MDN1: variants seen among roughly 807,000 people sequenced by gnomAD.
MDN1 encodes midasin.
A neutral mutation model predicts 669.2 loss-of-function variants in MDN1; 266 were observed. The ratio of observed to expected loss-of-function variants is 0.40; its 90% confidence interval spans 0.36 to 0.44. MDN1 has a LOEUF of 0.44. Among genes scored for constraint, MDN1 ranks in the 20% least tolerant of loss-of-function variants. The pLI, the probability that MDN1 is intolerant of heterozygous loss-of-function variation, is 1.00. For synonymous variants in MDN1, 2,385 were observed against 2,457.1 expected, an observed-to-expected ratio of 0.97 and a Z score of 0.87; for missense variants, 5,940 against 6,754.0, an observed-to-expected ratio of 0.88 and a Z score of 4.22.
intron 11 of MDN1, 74 bp downstream of exon 11, chr6:89,780,138 A>C: frequency 1.2e-6 from 1 of 844,922 alleles, no homozygotes; most frequent in Non-Finnish European, 1.9e-6. Flanking sequence ...TGGCAATCAA[A>C]AGACAGAAAA....
chr6:89,797,754 TC>T, intron 2 of MDN1: 1 of 381,490 alleles, frequency 2.6e-6, no homozygotes, highest in Non-Finnish European at 5.3e-6. Context: ...GAAGGCAGCA[TC>T]AATACCAGGT....
At chr6:89,679,624 G>A (rs1159631346) in intron 74 of MDN1, among the ~76,000 whole-genome samples, 2 of 152,188 alleles carry the variant, frequency 1.3e-5, no homozygotes, top group Admixed American at 1.3e-4. Context: ...GACCACGGGA[G>A]GACACAGTGA....
At chr6:89,706,796 T>G (rs1813544621) in intron 52 of MDN1, among the ~76,000 whole-genome samples, 1 of 152,152 alleles carries the variant, frequency 6.6e-6, no homozygotes, top group South Asian at 2.1e-4. Context: ...ACTAAGTACA[T>G]ATGTTTAGAT....
intron 5 of MDN1, among the ~76,000 whole-genome samples, chr6:89,792,005 C>G (rs1819295837): frequency 6.6e-6 from 1 of 150,596 alleles, no homozygotes; most frequent in Non-Finnish European, 1.5e-5. Flanking sequence ...GTAGCTGGGA[C>G]TACAGGTGCC....
At chr6:89,701,744 C>A in intron 54 of MDN1, 66 bp from the exon 55 acceptor site, 2 of 1,554,548 alleles carry the variant, frequency 1.3e-6, no homozygotes, top group South Asian at 1.2e-5. Flanking sequence ...GTAAGAGAAG[C>A]CATTAATATT....
intron 83 of MDN1, 57 bp from the exon 84 acceptor site, chr6:89,668,208 G>A (rs1213663491): frequency 6.3e-7 from 1 of 1,596,088 alleles, no homozygotes; most frequent in Middle Eastern, 1.7e-4. Flanking sequence ...TTTAAAAGGA[G>A]ATTTCATTCT....
At chr6:89,782,306 G>C (rs150451951) in intron 9 of MDN1, among the ~76,000 whole-genome samples, 71 of 152,294 alleles carry the variant, frequency 4.7e-4, no homozygotes, top group Middle Eastern at 3.4e-3. Flanking sequence ...TGAAAAGCAT[G>C]TAAAAGGAGC....
intron 20 of MDN1, 35 bp downstream of exon 20, chr6:89,756,241 GA>G: frequency 9.6e-7 from 1 of 1,042,694 alleles, no homozygotes. Flanking sequence ...CATGTTCAGA[GA>G]AAGAGCTTAT....
chr6:89,687,523 TGAGTG>T, intron 67 of MDN1, 85 bp from the exon 68 acceptor site: 1 of 1,205,234 alleles, frequency 8.3e-7, no homozygotes, highest in Non-Finnish European at 1.2e-6. Context: ...GAACTTTGCT[TGAGTG>T]AAGACTACTG....
In MDN1 at chr6:89,702,037, C is replaced by T; in HGVS notation, c.8173G>A (p.Asp2725Asn). Residue 2725 changes from aspartate to asparagine, a missense_variant, in exon 54 of 102, where the codon GAC becomes AAC. Asp to Asn is a conservative substitution (Grantham distance 23). Transcript: ENST00000369393. ...GTGTCGGCCACAGTCCAGAACCGGT[C>T]CCGCCACCGCAGAGAACCTAAGATC... is the stretch of plus-strand genomic sequence containing the variant. ...NEILGSLRWR[D>N]RFWTVADTVK... 1 of 1,608,324 alleles carries T rather than the reference C, an allele frequency of 6.2e-7. No individual in the cohort carries two copies.
At position 89,684,915 on chromosome 6, in the gene MDN1, T is replaced by C. The variant is rs965067073; in HGVS notation, c.11790A>G (p.Lys3930=). Residue 3930 remains lysine, a synonymous_variant, in exon 71 of 102, where the codon AAA becomes AAG. Transcript: ENST00000369393. The part of the protein sequence containing the change: ...YKQFFDRVQA[K]IVELRSPLEK... ...CTAGGGGGGAACGAAGTTCCACAAT[T>C]TTGGCCTGGACCCGGTCAAAGAATT... The C allele has an allele frequency of 3.7e-6, 6 of 1,613,092 alleles. No homozygotes were observed. The highest frequency in any genetic ancestry group is 3.3e-5 in the South Asian group (3 of 91,036).
intron 52 of MDN1, 95 bp from the exon 53 acceptor site, chr6:89,706,287 T>G (rs9344954): frequency 0.18 from 233,254 of 1,329,870 alleles, 21,139 homozygotes; most frequent in East Asian, 0.2. Context: ...AATTTAAATG[T>G]TATCCCCAGT....
At position 89,687,043 on chromosome 6, in the gene MDN1, A is replaced by C. The variant is rs781015702; in HGVS notation, c.11451-20T>G. 4.4e-6 allele frequency: 7 copies of C among 1,609,098 alleles called. No individual in the cohort carries two copies. The African/African-American group carries it at 9.4e-5, about 22-fold the overall frequency. ...CAGCAGCTGAAACGAGAAGAAGCCA[A>C]GGAGGCATTTAGGAAAACCTATTTG... is the stretch of plus-strand genomic sequence containing the variant. On this transcript the variant is annotated intron_variant, in intron 68 of 101. Coordinates refer to ENST00000369393, the MANE Select transcript of MDN1 (RefSeq NM_014611.3).
At chr6:89,685,736 G>T in intron 70 of MDN1, 91 bp downstream of exon 70, 3 of 1,365,922 alleles carry the variant, frequency 2.2e-6, no homozygotes, top group Non-Finnish European at 3.0e-6. Context: ...AAAACCTAGC[G>T]TGCAACAAGG....
Position 89,724,411 on chromosome 6 carries a change from T to C in MDN1, c.5670+788A>G, listed in dbSNP as rs1031023519. Among the ~76,000 whole-genome samples the C allele has an allele frequency of 6.6e-5, 10 of 152,092 alleles. No individual in the cohort carries two copies. In the South Asian group the frequency reaches 1.2e-3, roughly 19 times the overall value. On this transcript the variant is annotated intron_variant, in intron 38 of 101. Coordinates refer to ENST00000369393, the MANE Select transcript of MDN1 (RefSeq NM_014611.3). ...GATTCTGCTGCCTCAGCCTCCTCAG[T>C]AGCTGGGATTACAGGCACCTGCCAC...
chr6:89,804,705 C>T (rs1039000331), intron 1 of MDN1, among the ~76,000 whole-genome samples: 3 of 152,110 alleles, frequency 2.0e-5, no homozygotes, highest in African/African-American at 7.2e-5. Flanking sequence ...CCAAAGTAGA[C>T]AGCAACACTT....
intron 2 of MDN1, among the ~76,000 whole-genome samples, chr6:89,796,697 T>A (rs948105729): frequency 6.6e-6 from 1 of 152,176 alleles, no homozygotes; most frequent in Admixed American, 6.5e-5. Context: ...CCTCTCAATT[T>A]TGCTGTGAGC....
intron 75 of MDN1, 60 bp downstream of exon 75, chr6:89,678,539 T>C: frequency 6.4e-7 from 1 of 1,572,536 alleles, no homozygotes; most frequent in African/African-American, 1.3e-5. Context: ...ATCAGTCATG[T>C]CATTTCTCTC....
rs1361958422 is a variant in MDN1, at chr6:89,730,929, AGACAGAG to A, written c.4943-13_4943-7del. Reference sequence around the variant, plus strand: ...AAACCCAGAGGAAGTTACCCCTAAAAGACAGAGGATCAGTCCATGAAGCAACAGTACA... The same window carrying A: ...AAACCCAGAGGAAGTTACCCCTAAAAGATCAGTCCATGAAGCAACAGTACA... On this transcript the variant is annotated splice_region_variant and splice_polypyrimidine_tract_variant and intron_variant, in intron 34 of 101. Coordinates refer to ENST00000369393, the MANE Select transcript of MDN1 (RefSeq NM_014611.3). 1 of 1,613,296 alleles carries A rather than the reference AGACAGAG, an allele frequency of 6.2e-7. No homozygotes were observed.
Sources: gnomAD v4.1 joint callset for allele counts (sites outside exome capture counted in the v4.1 genomes callset) on GRCh38, gnomAD v4.1.1 for gene constraint, MANE v1.5 for transcripts, NCBI Gene and HGNC (gene_info 2026-07-23, HGNC 2026-07-21) for gene names.